The following SUMF1 variants were observed in gnomAD, a reference collection of about 807,000 sequenced individuals.
SUMF1 encodes sulfatase modifying factor 1, also known as formylglycine-generating enzyme.
A neutral mutation model predicts 47.6 loss-of-function variants in SUMF1; 48 were observed. The observed-to-expected ratio is 1.01, with a 90% CI of 0.80 to 1.28. The LOEUF is 1.28. Ranked by LOEUF, SUMF1 falls within the 50% of genes most tolerant of loss-of-function variation. The pLI, the probability that SUMF1 is intolerant of heterozygous loss-of-function variation, is 0.00. For synonymous variants in SUMF1, 230 were observed against 192.1 expected (o/e 1.20, Z -1.63); for missense variants, 571 against 485.4 (o/e 1.18, Z -1.66).
At chr3:4,463,822 G>A (rs1310181277) in intron 1 of SUMF1, among the ~76,000 whole-genome samples, 3 of 152,190 alleles carry the variant, frequency 2.0e-5, no homozygotes, top group African/African-American at 4.8e-5. Flanking sequence ...AAAACATTTT[G>A]CTTCCTTGTT....
chr3:4,200,360 G>A (rs1303931343), intron 8 of SUMF1, among the ~76,000 whole-genome samples: 2 of 151,800 alleles, frequency 1.3e-5, no homozygotes, highest in African/African-American at 4.8e-5. Flanking sequence ...CTTCAATGTG[G>A]GCAGGGCACT....
Position 4,293,663 on chromosome 3 carries a change from T to G in SUMF1, c.1014+82667A>C, listed in dbSNP as rs202144301. Among the ~76,000 whole-genome samples the G allele has an allele frequency of 7.9e-5, 12 of 152,306 alleles. No individual in the cohort carries two copies. The East Asian group carries it at 2.3e-3, about 29-fold the overall frequency. On this transcript the variant is annotated intron_variant and NMD_transcript_variant, in intron 8 of 12. Coordinates refer to the SUMF1 transcript ENST00000448413. The stretch of plus-strand genomic sequence containing the variant: ...CAAAGCAGAAATTTCAGTAGCCTAA[T>G]AGACTGTTCTAAGTAGTCAGGCTGT...
At chr3:4,214,841 A>G (rs1183055950) in intron 8 of SUMF1, among the ~76,000 whole-genome samples, 2 of 152,092 alleles carry the variant, frequency 1.3e-5, no homozygotes, top group Admixed American at 6.5e-5. Flanking sequence ...CCAACCCTAA[A>G]CCAGGAAGAC....
intron 8 of SUMF1, among the ~76,000 whole-genome samples, chr3:4,344,927 G>A (rs573281709): frequency 6.6e-6 from 1 of 152,036 alleles, no homozygotes; most frequent in African/African-American, 2.4e-5. Flanking sequence ...CGGAAGAAAG[G>A]ATATAAGAAT....
chr3:4,422,797 AT>A (rs1701944469), intron 3 of SUMF1, among the ~76,000 whole-genome samples: 1 of 151,406 alleles, frequency 6.6e-6, no homozygotes, highest in South Asian at 2.1e-4. Flanking sequence ...TTATGTATTT[AT>A]TTTTTAACTT....
intron 3 of SUMF1, among the ~76,000 whole-genome samples, chr3:4,428,294 TAAATG>T (rs1702129019): frequency 6.6e-6 from 1 of 152,146 alleles, no homozygotes. Context: ...AACATATATT[TAAATG>T]TTTGTGATGA....
chr3:4,429,483 G>C (rs1702169946), intron 3 of SUMF1, among the ~76,000 whole-genome samples: 1 of 152,170 alleles, frequency 6.6e-6, no homozygotes, highest in South Asian at 2.1e-4. Context: ...TCAAAGAGAA[G>C]ACAGAACATA....
intron 8 of SUMF1, among the ~76,000 whole-genome samples, chr3:4,332,858 G>A (rs1353171625): frequency 6.6e-6 from 1 of 152,100 alleles, no homozygotes; most frequent in Non-Finnish European, 1.5e-5. Context: ...GGCCCACCAT[G>A]CCGCCTATCC....
chr3:4,066,926 C>A (rs1397328635), intron 9 of SUMF1, among the ~76,000 whole-genome samples: 2 of 152,150 alleles, frequency 1.3e-5, no homozygotes, highest in African/African-American at 4.8e-5. Context: ...TTTGCCCTAT[C>A]CTCTGCCCAT....
intron 8 of SUMF1, among the ~76,000 whole-genome samples, chr3:4,252,516 G>A (rs1696827101): frequency 6.6e-6 from 1 of 152,142 alleles, no homozygotes; most frequent in Non-Finnish European, 1.5e-5. Flanking sequence ...CAAACCCTGA[G>A]TGGCAAAAGT....
rs1473242690 is a variant in SUMF1, at chr3:4,180,445, C to A, written c.1015-111700G>T. On this transcript the variant is annotated intron_variant and NMD_transcript_variant, in intron 8 of 12. Transcript: ENST00000448413. ...CATTCTCAGCAAACCATCACAAGGA[C>A]AGAAAACCAACACCACATGTTCTCA... is the stretch of plus-strand genomic sequence containing the variant. 2.0e-5 allele frequency among the ~76,000 whole-genome samples: 3 copies of A among 151,340 alleles called. No homozygotes were observed. In the East Asian group the frequency reaches 5.8e-4, roughly 29 times the overall value.
chr3:4,173,188 C>T (rs1353801098), intron 8 of SUMF1, among the ~76,000 whole-genome samples: 1 of 152,130 alleles, frequency 6.6e-6, no homozygotes, highest in Non-Finnish European at 1.5e-5. Flanking sequence ...TTTCTGAGGC[C>T]TCTCTTCTGT....
intron 8 of SUMF1, among the ~76,000 whole-genome samples, chr3:4,074,930 T>C (rs889583287): frequency 7.9e-5 from 12 of 152,070 alleles, no homozygotes; most frequent in Admixed American, 3.3e-4. Flanking sequence ...AAGGAGCAGA[T>C]ACCATTCCTT....
chr3:4,465,584 A>G (rs2079923336), intron 1 of SUMF1, among the ~76,000 whole-genome samples: 1 of 152,212 alleles, frequency 6.6e-6, no homozygotes, highest in African/African-American at 2.4e-5. Flanking sequence ...TAAAACAGTA[A>G]TCAGGAGTCT....
chr3:4,167,482 C>T (rs1440255645), intron 8 of SUMF1, among the ~76,000 whole-genome samples: 1 of 152,118 alleles, frequency 6.6e-6, no homozygotes, highest in Non-Finnish European at 1.5e-5. Context: ...ACATCTTACA[C>T]AGTGCTGATT....
intron 9 of SUMF1, among the ~76,000 whole-genome samples, chr3:4,039,681 C>T (rs1000276639): frequency 1.3e-5 from 2 of 151,906 alleles, no homozygotes; most frequent in Admixed American, 6.6e-5. Context: ...GTGAAGAAAG[C>T]TCAATATTCT....
chr3:4,329,883 A>G (rs576156793), intron 8 of SUMF1, among the ~76,000 whole-genome samples: 1 of 152,334 alleles, frequency 6.6e-6, no homozygotes, highest in Non-Finnish European at 1.5e-5. Context: ...ATAAAACTGA[A>G]TGCTTTTAAC....
In SUMF1 at chr3:4,156,949, A is replaced by G. The variant is rs1694467315; in HGVS notation, c.1015-88204T>C. Among the ~76,000 whole-genome samples, 7 of 151,702 alleles carry G rather than the reference A, an allele frequency of 4.6e-5. 1 individual carries two copies. ...TCATATGCAAATGTATGCCATCATT[A>G]AAACATTTTCACAGCCTTTCATTTT... On this transcript the variant is annotated intron_variant and NMD_transcript_variant, in intron 8 of 12. Coordinates refer to the SUMF1 transcript ENST00000448413.
intron 8 of SUMF1, among the ~76,000 whole-genome samples, chr3:4,257,903 C>T (rs909541596): frequency 6.4e-4 from 97 of 151,308 alleles, no homozygotes; most frequent in East Asian, 2.9e-3. Context: ...GGTACTGGTA[C>T]CAAAACAGAG....
Sources: allele counts gnomAD v4.1 joint callset (sites outside exome capture counted in the v4.1 genomes callset), GRCh38; gene constraint gnomAD v4.1.1; transcripts MANE v1.5; gene names NCBI Gene and HGNC (gene_info 2026-07-23, HGNC 2026-07-21).